HCST: variants seen among roughly 807,000 people sequenced by gnomAD.
HCST encodes the protein hematopoietic cell signal transducer, also known as DNAX-activation protein 10.
A neutral mutation model predicts 10.8 loss-of-function variants in HCST; 12 were observed. That is an observed-to-expected ratio of 1.12 (90% confidence interval 0.72 to 1.81). The LOEUF (loss-of-function observed/expected upper bound fraction) is 1.81. HCST is among the 40% of genes most tolerant of loss of function. HCST has a pLI of 0.00. For missense variants in HCST, 102 were observed against 117.9 expected (o/e 0.87, Z 0.62); for synonymous variants, 59 against 51.6 (o/e 1.14, Z -0.61).
At position 35,902,600 on chromosome 19, in the gene HCST, C is replaced by T. The variant is rs755799730; in HGVS notation, c.7C>T (p.His3Tyr). 1 of 1,614,188 alleles carries T rather than the reference C, an allele frequency of 6.2e-7. No homozygotes were observed. The highest frequency in any genetic ancestry group is 1.1e-5 in the South Asian group (1 of 91,084). The change falls in exon 1 of 4, where the codon CAT becomes TAT. Residue 3 changes from histidine to tyrosine, a missense_variant. Coordinates refer to ENST00000246551, the MANE Select transcript of HCST (RefSeq NM_014266.4). Reference protein sequence around the residue: MIHLGHILFLLLL... With the variant: MIYLGHILFLLLL... Reference sequence around the variant, plus strand: ...TGCCAGACCCCAGTCCACCATGATCCATCTGGGTCACATCCTCTTCCTGCT... The same window carrying T: ...TGCCAGACCCCAGTCCACCATGATCTATCTGGGTCACATCCTCTTCCTGCT...
rs1325830883 is a variant in HCST at position 35,903,955 on chromosome 19, G to T, written c.241+52G>T. ...GAAGGTGTATAGTGTCCCTAGGGAG[G>T]GGGTCCCAGGGAGGGGGCCCTTGGG... is the stretch of plus-strand genomic sequence containing the variant. On this transcript the variant is annotated intron_variant, in intron 3 of 3. Transcript: ENST00000246551. The T allele has an allele frequency of 1.9e-6, 3 of 1,581,288 alleles. No individual in the cohort carries two copies. In the South Asian group the frequency reaches 3.4e-5, roughly 18 times the overall value.
At position 35,903,014 on chromosome 19, in the gene HCST, G is replaced by A. The variant is rs185872121; in HGVS notation, c.44-337G>A. On this transcript the variant is annotated intron_variant, in intron 1 of 3. Transcript: ENST00000246551. Reference sequence around the variant, plus strand: ...TTTTTTGGTTTGTTTATTTTGAGATGGGGTCTTGCTCTGTTGTCCAGGCTG... The same window carrying A: ...TTTTTTGGTTTGTTTATTTTGAGATAGGGTCTTGCTCTGTTGTCCAGGCTG... The A allele has an allele frequency of 3.6e-5, 15 of 416,306 alleles. No homozygotes were observed. In the East Asian group the frequency reaches 6.7e-4, roughly 19 times the overall value. 25.8% of individuals were successfully genotyped at this position (416,306 alleles called of 1,614,324 possible). A position where few individuals can be genotyped will look rare whatever the true frequency, so the allele number is the denominator to read the frequency against.
intron 1 of HCST, 22 bp downstream of exon 1, chr19:35,902,658 G>C: frequency 6.2e-7 from 1 of 1,613,582 alleles, no homozygotes; most frequent in Non-Finnish European, 8.5e-7. Flanking sequence ...GGTTACAGGG[G>C]ATGGTAGGCA....
At position 35,903,872 on chromosome 19, in the gene HCST, G is replaced by C. The variant is rs758211434; in HGVS notation, c.210G>C (p.Leu70=). The change falls in exon 3 of 4, where the codon CTG becomes CTC. Residue 70 remains leucine (L), a synonymous_variant. Coordinates refer to ENST00000246551, the MANE Select transcript of HCST (RefSeq NM_014266.4). ...ASLLIVGAVF[L]CARPRRSPAQ... is the part of the protein sequence containing the mutation. ...TGCTCATCGTGGGGGCGGTGTTCCT[G>C]TGCGCACGCCCACGCCGCAGCCCCG... is the stretch of plus-strand genomic sequence containing the variant. 5 of 1,612,752 alleles carry C rather than the reference G, an allele frequency of 3.1e-6. No homozygotes were observed. The highest frequency in any genetic ancestry group is 4.2e-6 in the Non-Finnish European group (5 of 1,179,846).
chr19:35,903,293 G>T, intron 1 of HCST, 58 bp from the exon 2 acceptor site: 1 of 1,468,138 alleles, frequency 6.8e-7, no homozygotes. Context: ...GCCAGGCTGA[G>T]CATTCTGTTT....
chr19:35,904,234 C>T lies in HCST; in HGVS notation c.*74C>T, dbSNP rs1975661963. 7 of 1,464,372 alleles carry T rather than the reference C, an allele frequency of 4.8e-6. No individual in the cohort carries two copies. The East Asian group carries it at 1.6e-4, about 33-fold the overall frequency. 90.7% of individuals were successfully genotyped at this position (1,464,372 alleles called of 1,614,324 possible). ...GTGTGTGGTGGCACAGGAACCCCCG[C>T]CCCAACTTTTGGATTGTAATAAAAC... On this transcript the variant is annotated 3_prime_UTR_variant, in exon 4 of 4. Coordinates refer to ENST00000246551, the MANE Select transcript of HCST (RefSeq NM_014266.4).
intron 3 of HCST, 72 bp downstream of exon 3, chr19:35,903,975 C>A: frequency 6.3e-7 from 1 of 1,575,814 alleles, no homozygotes; most frequent in Non-Finnish European, 8.6e-7. Context: ...GGAGGGGGCC[C>A]TTGGGGAAGC....
Position 35,902,603 on chromosome 19 carries a change from C to T in HCST, c.10C>T (p.Leu4=). Residue 4 remains leucine (L), a synonymous_variant, in exon 1 of 4, where the codon CTG becomes TTG. Coordinates refer to ENST00000246551, the MANE Select transcript of HCST (RefSeq NM_014266.4). MIH[L]GHILFLLLLP... ...CAGACCCCAGTCCACCATGATCCAT[C>T]TGGGTCACATCCTCTTCCTGCTTTT... 10 of 1,614,198 alleles carry T rather than the reference C, an allele frequency of 6.2e-6. No individual in the cohort carries two copies. The highest frequency in any genetic ancestry group is 8.5e-6 in the Non-Finnish European group (10 of 1,180,010).
chr19:35,903,198 C>G, intron 1 of HCST, 153 bp from the exon 2 acceptor site: 1 of 641,694 alleles, frequency 1.6e-6, no homozygotes, highest in Non-Finnish European at 2.8e-6. Context: ...ACTATGTTGC[C>G]CAGGCTGGTC....
Position 35,903,753 on chromosome 19 carries a change from TC to T in HCST, c.110-17del, listed in dbSNP as rs2146982623. The T allele has an allele frequency of 1.9e-6, 3 of 1,614,018 alleles. No homozygotes were observed. The highest frequency in any genetic ancestry group is 1.7e-4 in the Middle Eastern group (1 of 6,060). ...CGCAGAGCTTGAGTTGTCTCCCTGT[TC>T]CGGCCCCCACTCTCCAGGCTCTTGT... On this transcript the variant is annotated intron_variant, in intron 2 of 3. Coordinates refer to ENST00000246551, the MANE Select transcript of HCST (RefSeq NM_014266.4).
rs781462513 is a variant in HCST, at chr19:35,902,652, A to G, written c.43+16A>G. The G allele has an allele frequency of 6.2e-7, 1 of 1,613,760 alleles. No individual in the cohort carries two copies. The highest frequency in any genetic ancestry group is 8.5e-7 in the Non-Finnish European group (1 of 1,179,778). ...TTGCTCCCAGGTGAAGCCAGTGGTT[A>G]CAGGGGATGGTAGGCAGAGCGTTTG... On this transcript the variant is annotated intron_variant, in intron 1 of 3. Coordinates refer to ENST00000246551, the MANE Select transcript of HCST (RefSeq NM_014266.4).
intron 1 of HCST, 46 bp from the exon 2 acceptor site, chr19:35,903,305 G>A: frequency 6.5e-7 from 1 of 1,548,028 alleles, no homozygotes; most frequent in Non-Finnish European, 8.9e-7. Context: ...ATTCTGTTTT[G>A]TGGACCTTCT....
In HCST at chr19:35,904,325, T is replaced by A. The variant is rs968126043; in HGVS notation, c.*165T>A. On this transcript the variant is annotated 3_prime_UTR_variant, in exon 4 of 4. Coordinates refer to ENST00000246551, the MANE Select transcript of HCST (RefSeq NM_014266.4). Reference sequence around the variant, plus strand: ...CAGAGTTCCCAAAGCCTCCCTCCCATGAACTGTTTCTGGATCCAAGGCCCC... The same window carrying A: ...CAGAGTTCCCAAAGCCTCCCTCCCAAGAACTGTTTCTGGATCCAAGGCCCC... 4.6e-6 allele frequency: 4 copies of A among 860,840 alleles called. No individual in the cohort carries two copies. The highest frequency in any genetic ancestry group is 1.7e-5 in the African/African-American group (1 of 59,854). The allele number at this position is 860,840 out of a possible 1,614,324, so 53.3% of individuals were successfully genotyped here.
In HCST at chr19:35,904,155, G is replaced by A; in HGVS notation, c.277G>A (p.Gly93Ser). Residue 93 changes from glycine (G) to serine (S), a missense_variant, in exon 4 of 4, where the codon GGC becomes AGC. Coordinates refer to ENST00000246551, the MANE Select transcript of HCST (RefSeq NM_014266.4). ...GKVYINMPGR[G>S] ...AGTCTACATCAACATGCCAGGCAGGGGCTGACCCTCCTGCAGCTTGGACCT... is the reference window on the plus strand; with the variant it reads ...AGTCTACATCAACATGCCAGGCAGGAGCTGACCCTCCTGCAGCTTGGACCT... The A allele has an allele frequency of 6.2e-7, 1 of 1,614,058 alleles. No homozygotes were observed.
Position 35,903,334 on chromosome 19 carries a change from T to G in HCST, c.44-17T>G, listed in dbSNP as rs1975629354. 2 of 1,610,988 alleles carry G rather than the reference T, an allele frequency of 1.2e-6. No homozygotes were observed. Among genetic ancestry groups the G allele is most frequent in the Middle Eastern group, 1.7e-4 (1 of 6,060 alleles). On this transcript the variant is annotated splice_polypyrimidine_tract_variant and intron_variant, in intron 1 of 3. Transcript: ENST00000246551. ...ACCTTCTCTCCACCCTCATCCACCT[T>G]CTTTCTCTTTCCACAGTGGCTGCAG...
intron 1 of HCST, 159 bp from the exon 2 acceptor site, chr19:35,903,192 T>C: frequency 3.2e-6 from 2 of 619,474 alleles, no homozygotes; most frequent in South Asian, 3.4e-5. Context: ...GGTCTCACTA[T>C]GTTGCCCAGG....
Position 35,904,036 on chromosome 19 carries a change from T to C in HCST, c.242-84T>C, listed in dbSNP as rs1031787132. ...TGGGGGAGGTGCCTGGGGGAACCCC[T>C]GAGGAAACCCCTGAAGCAGGGGGTC... On this transcript the variant is annotated intron_variant, in intron 3 of 3. Transcript: ENST00000246551. 3.1e-6 allele frequency: 5 copies of C among 1,597,918 alleles called. No homozygotes were observed. The African/African-American group carries it at 5.4e-5, about 17-fold the overall frequency.
Position 35,904,171 on chromosome 19 carries a change from G to A in HCST, c.*11G>A. 2.5e-6 allele frequency: 4 copies of A among 1,613,962 alleles called. No homozygotes were observed. In the South Asian group the frequency reaches 4.4e-5, roughly 18 times the overall value. ...CCAGGCAGGGGCTGACCCTCCTGCA[G>A]CTTGGACCTTTGACTTCTGACCCTC... On this transcript the variant is annotated 3_prime_UTR_variant, in exon 4 of 4. Coordinates refer to ENST00000246551, the MANE Select transcript of HCST (RefSeq NM_014266.4).
rs1975636857 is a variant in HCST, at chr19:35,903,593, C to G, written c.109+177C>G. The stretch of plus-strand genomic sequence containing the variant: ...ACCCCGTGTGCCCGCCGCACAGCCC[C>G]GAGGGTCCTGGGACACCCCAGCCTC... On this transcript the variant is annotated intron_variant, in intron 2 of 3. Transcript: ENST00000246551. 3 of 1,064,448 alleles carry G rather than the reference C, an allele frequency of 2.8e-6. No homozygotes were observed. The East Asian group carries it at 7.5e-5, about 27-fold the overall frequency. 65.9% of individuals were successfully genotyped at this position (1,064,448 alleles called of 1,614,324 possible). A position where few individuals can be genotyped will look rare whatever the true frequency, so the allele number is the denominator to read the frequency against.
Sources: allele counts gnomAD v4.1 joint callset, GRCh38; gene constraint gnomAD v4.1.1; transcripts MANE v1.5; gene names NCBI Gene and HGNC (gene_info 2026-07-23, HGNC 2026-07-21).